Variants in TRMT44 observed in about 807,000 individuals in gnomAD.
The protein encoded by TRMT44 is probable tRNA (uracil-O(2)-)-methyltransferase.
Under a neutral mutation model 77.3 loss-of-function variants are expected in TRMT44, and 78 were observed. That is an observed-to-expected ratio of 1.01 (90% confidence interval 0.84 to 1.22). The LOEUF (loss-of-function observed/expected upper bound fraction) is 1.22. Among genes scored for constraint, TRMT44 ranks in the 50% most tolerant of loss-of-function variants. TRMT44 has a pLI of 0.00. For synonymous variants in TRMT44, 391 were observed against 383.3 expected (o/e 1.02, Z -0.23); for missense variants, 1,090 against 964.4 (o/e 1.13, Z -1.73).
chr4:8,495,469 C>T (rs1414716719), downstream of TRMT44, among the ~76,000 whole-genome samples: 1 of 152,170 alleles, frequency 6.6e-6, no homozygotes, highest in African/African-American at 2.4e-5. Context: ...AGTCATGGTG[C>T]ATGGTGGTTT....
downstream of TRMT44, chr4:8,477,152 G>GT (rs1727432404): frequency 1.3e-5 from 2 of 152,310 alleles, no homozygotes; most frequent in South Asian, 4.1e-4. Context: ...TCTCCATTGG[G>GT]TATATCTGCC....
At chr4:8,516,743 A>C in the TRMT44 span, among the ~76,000 whole-genome samples, 3,169 of 152,270 alleles carry the variant, frequency 0.021, 129 homozygotes, top group African/African-American at 0.072. Context: ...GCACCATTGC[A>C]CTCCAGCCTG....
rs555013460 is a variant in TRMT44 at position 8,451,313 on chromosome 4, T to G, written c.955-647T>G. ...TTTGAAATTGTTTCTAGTGGGATGG[T>G]TCATCTGTATTGTCTAAGGCGCTGT... On this transcript the variant is annotated intron_variant, in intron 3 of 10. Coordinates refer to ENST00000389737, the MANE Select transcript of TRMT44 (RefSeq NM_152544.3). This position sits in a 1 kb window ranked among gnomAD's most constrained non-coding sequence, Gnocchi z 4.1. Among the ~76,000 whole-genome samples, 2 of 152,212 alleles carry G rather than the reference T, an allele frequency of 1.3e-5. No homozygotes were observed. The highest frequency in any genetic ancestry group is 2.4e-5 in the African/African-American group (1 of 41,452).
chr4:8,469,159 T>C (rs1420242806), intron 9 of TRMT44, among the ~76,000 whole-genome samples: 1 of 152,238 alleles, frequency 6.6e-6, no homozygotes. Context: ...TCTTGTACCA[T>C]GTGTACGTGG....
chr4:8,466,096 T>A (rs1308313723), intron 8 of TRMT44, among the ~76,000 whole-genome samples: 1 of 152,218 alleles, frequency 6.6e-6, no homozygotes, highest in Non-Finnish European at 1.5e-5. Context: ...TATGCCCTCT[T>A]GCCGCTCCAA....
At chr4:8,465,619 A>G in intron 8 of TRMT44, 58 bp downstream of exon 8, 1 of 1,453,604 alleles carries the variant, frequency 6.9e-7, no homozygotes. Flanking sequence ...TGGAGAGCTC[A>G]GGGCTCTGCC....
Position 8,469,916 on chromosome 4 carries a change from G to A in TRMT44, c.1928-1168G>A, listed in dbSNP as rs377545496. 1.4e-4 allele frequency among the ~76,000 whole-genome samples: 21 copies of A among 152,378 alleles called. No homozygotes were observed. The East Asian group carries it at 2.9e-3, about 21-fold the overall frequency. ...AGGACCTCACCCATCCTAGCTCGGC[G>A]TCTGTCCCTGTGGGACACTGCTGAG... On this transcript the variant is annotated intron_variant, in intron 9 of 10. Transcript: ENST00000389737.
At chr4:8,483,421 G>A (rs892029926) in intron 2 of TRMT44, among the ~76,000 whole-genome samples, 1 of 151,938 alleles carries the variant, frequency 6.6e-6, no homozygotes, top group Admixed American at 6.6e-5. Context: ...TTTTTTTGGG[G>A]GGGGGCACGG....
At chr4:8,458,846 T>C (rs1725976629) in intron 6 of TRMT44, among the ~76,000 whole-genome samples, 1 of 152,160 alleles carries the variant, frequency 6.6e-6, no homozygotes, top group Non-Finnish European at 1.5e-5. Flanking sequence ...TATGTTTATA[T>C]TATTGATAAG....
intron 2 of TRMT44, among the ~76,000 whole-genome samples, chr4:8,485,757 G>T (rs1474384574): frequency 6.6e-6 from 1 of 152,164 alleles, no homozygotes; most frequent in Non-Finnish European, 1.5e-5. Context: ...GCCTAATAAG[G>T]GAACGGGGCA....
the TRMT44 span, chr4:8,512,388 G>C: frequency 6.6e-6 from 1 of 152,124 alleles, no homozygotes; most frequent in Admixed American, 6.6e-5. Context: ...AATTATCAAC[G>C]TTATTTTTGT....
chr4:8,466,459 C>T (rs1057499009), intron 8 of TRMT44, among the ~76,000 whole-genome samples: 4 of 152,216 alleles, frequency 2.6e-5, no homozygotes, highest in Admixed American at 6.5e-5. Context: ...ACTCGCTGGC[C>T]GGCTGCCGTC....
In TRMT44 at chr4:8,475,912, T is replaced by C. The variant is rs1281616587; in HGVS notation, c.2185T>C (p.Cys729Arg). ...CWFFMHHPDG[C>R]ALSTDCCPFA... The stretch of plus-strand genomic sequence containing the variant: ...GTTCTTCATGCATCACCCTGATGGC[T>C]GCGCTCTGTCCACGGACTGCTGCCC... The change falls in exon 11 of 11, where the codon TGC becomes CGC. Residue 729 changes from cysteine to arginine, a missense_variant. By Grantham distance (180) the Cys-to-Arg change is radical. Transcript: ENST00000389737. The C allele has an allele frequency of 1.2e-6, 2 of 1,614,210 alleles. No individual in the cohort carries two copies. The highest frequency in any genetic ancestry group is 2.2e-5 in the East Asian group (1 of 44,880).
Position 8,444,625 on chromosome 4 carries a change from T to G in TRMT44, c.620-1851T>G, listed in dbSNP as rs2109083283. Reference sequence around the variant, plus strand: ...GTTGGCCAGACTGGTCTCCTACTCCTGACCTCACGTGATCCGCCTGCCTTG... The same window carrying G: ...GTTGGCCAGACTGGTCTCCTACTCCGGACCTCACGTGATCCGCCTGCCTTG... On this transcript the variant is annotated intron_variant, in intron 1 of 10. Coordinates refer to ENST00000389737, the MANE Select transcript of TRMT44 (RefSeq NM_152544.3). The surrounding 1 kb of genome is among the most constrained non-coding windows in gnomAD (Gnocchi z 4.0). 6.6e-6 allele frequency among the ~76,000 whole-genome samples: 1 copy of G among 152,344 alleles called. No homozygotes were observed. Among genetic ancestry groups the G allele is most frequent in the South Asian group, 2.1e-4 (1 of 4,830 alleles).
chr4:8,499,881 A>G, the TRMT44 span, among the ~76,000 whole-genome samples: 1 of 145,972 alleles, frequency 6.9e-6, no homozygotes, highest in South Asian at 2.2e-4. Flanking sequence ...AGTTTACTAT[A>G]TAACAAACCT....
In TRMT44 at chr4:8,452,132, C is replaced by G; in HGVS notation, c.1023+104C>G. The G allele has an allele frequency of 9.6e-7, 1 of 1,037,510 alleles. No individual in the cohort carries two copies. The highest frequency in any genetic ancestry group is 1.4e-5 in the South Asian group (1 of 72,378). 64.3% of individuals were successfully genotyped at this position (1,037,510 alleles called of 1,614,324 possible). A position where few individuals can be genotyped will look rare whatever the true frequency, so the allele number is the denominator to read the frequency against. ...TTTTCCAAATCCATAACTGCCGGTG[C>G]TCACAATTCTGCTGGCCAAGGTTGG... On this transcript the variant is annotated intron_variant, in intron 4 of 10. Transcript: ENST00000389737. The surrounding 1 kb of genome is among the most constrained non-coding windows in gnomAD (Gnocchi z 5.7).
At chr4:8,483,805 G>A (rs1411013084) in intron 2 of TRMT44, among the ~76,000 whole-genome samples, 1 of 152,226 alleles carries the variant, frequency 6.6e-6, no homozygotes, top group African/African-American at 2.4e-5. Flanking sequence ...GGGAAGAAAT[G>A]ACTACGGTGG....
chr4:8,449,994 AC>A (rs1189156777), intron 3 of TRMT44, 106 bp downstream of exon 3: 9 of 580,336 alleles, frequency 1.6e-5, no homozygotes, highest in East Asian at 7.5e-5. Context: ...TTGTTCTGTC[AC>A]CCCCCCAAAA....
At chr4:8,496,222 C>T (rs370923824), downstream of TRMT44, among the ~76,000 whole-genome samples, 1 of 152,228 alleles carries the variant, frequency 6.6e-6, no homozygotes, top group East Asian at 1.9e-4. Context: ...CTCAACCCTG[C>T]TCCCACTGTG....
Sources: allele counts gnomAD v4.1 joint callset (sites outside exome capture counted in the v4.1 genomes callset), GRCh38; gene constraint gnomAD v4.1.1; non-coding constraint Gnocchi (gnomAD v3.1); transcripts MANE v1.5; gene names NCBI Gene and HGNC (gene_info 2026-07-23, HGNC 2026-07-21).